The following TXLNB variants were observed in gnomAD, a reference collection of about 807,000 sequenced individuals.
The protein encoded by TXLNB is taxilin beta.
TXLNB carries 37 observed loss-of-function variants against 57.4 expected under a neutral mutation model. That is an observed-to-expected ratio of 0.64 (90% CI 0.50 to 0.85). The LOEUF (loss-of-function observed/expected upper bound fraction) is 0.85, where lower values mean the gene tolerates loss of function less well. TXLNB is among the 40% of genes least tolerant of loss of function. TXLNB has a pLI of 0.00. For missense variants in TXLNB, 848 were observed against 825.6 expected (o/e 1.03, Z -0.33); for synonymous variants, 302 against 309.6 (o/e 0.98, Z 0.26).
chr6:139,161,935 T>C, the TXLNB span, among the ~76,000 whole-genome samples: 1 of 152,234 alleles, frequency 6.6e-6, no homozygotes, highest in Non-Finnish European at 1.5e-5. Flanking sequence ...TTCAAACCAC[T>C]CTTCTACTTC....
rs540980564 is a variant in TXLNB at position 139,269,873 on chromosome 6, C to T, written c.687+583G>A. On this transcript the variant is annotated intron_variant, in intron 4 of 9. Transcript: ENST00000358430. ...GGCTTACGCTGTAATTAATGAAACC[C>T]GTGCAGACCAAATGAAGTGATCAGT... 2.0e-5 allele frequency among the ~76,000 whole-genome samples: 3 copies of T among 152,236 alleles called. No homozygotes were observed. The South Asian group carries it at 6.2e-4, about 32-fold the overall frequency.
At chr6:139,251,887 G>A (rs1027609281) in intron 7 of TXLNB, among the ~76,000 whole-genome samples, 2 of 152,194 alleles carry the variant, frequency 1.3e-5, no homozygotes, top group African/African-American at 4.8e-5. Context: ...GAGGTATGGG[G>A]AGGACTTCAG....
Position 139,270,516 on chromosome 6 carries a change from G to A in TXLNB, c.627C>T (p.Leu209=), listed in dbSNP as rs199591503. 5.1e-5 allele frequency: 82 copies of A among 1,614,152 alleles called. No homozygotes were observed. Among genetic ancestry groups the A allele is most frequent in the Admixed American group, 2.2e-4 (13 of 60,020 alleles). Reference sequence around the variant, plus strand: ...ACAGACTCTCCAATTTGCTTCGAGCGAGGATAGCTCTGCTGTGTTCACCTT... The same window carrying A: ...ACAGACTCTCCAATTTGCTTCGAGCAAGGATAGCTCTGCTGTGTTCACCTT... ...QLQGEHSRAI[L]ARSKLESLCR... The change falls in exon 4 of 10, where the codon CTC becomes CTT. Residue 209 remains leucine, a synonymous_variant. Coordinates refer to ENST00000358430, the MANE Select transcript of TXLNB (RefSeq NM_153235.4).
intron 7 of TXLNB, among the ~76,000 whole-genome samples, chr6:139,251,250 A>G (rs1479674430): frequency 6.6e-6 from 1 of 152,248 alleles, no homozygotes; most frequent in Non-Finnish European, 1.5e-5. Context: ...AGAATTGCTA[A>G]GTATATTTCC....
At chr6:139,286,627 G>A (rs1777182367) in intron 2 of TXLNB, among the ~76,000 whole-genome samples, 1 of 152,220 alleles carries the variant, frequency 6.6e-6, no homozygotes, top group Non-Finnish European at 1.5e-5. Context: ...CAGGAGATGA[G>A]TGGCAGGCGA....
the TXLNB span, among the ~76,000 whole-genome samples, chr6:139,216,590 C>T: frequency 6.6e-6 from 1 of 151,776 alleles, no homozygotes; most frequent in Non-Finnish European, 1.5e-5. Context: ...CAAACTTGCA[C>T]GTTGTGCACA....
chr6:139,199,122 G>A, the TXLNB span, among the ~76,000 whole-genome samples: 6 of 151,894 alleles, frequency 4.0e-5, no homozygotes, highest in Non-Finnish European at 7.4e-5. Flanking sequence ...GGCCCATGTT[G>A]TTAGAAAAAT....
At chr6:139,188,708 T>C in the TXLNB span, among the ~76,000 whole-genome samples, 1 of 152,246 alleles carries the variant, frequency 6.6e-6, no homozygotes, top group African/African-American at 2.4e-5. Flanking sequence ...CAAGAGCTTT[T>C]TGAAAAATTG....
chr6:139,181,271 C>T, the TXLNB span, among the ~76,000 whole-genome samples: 6 of 152,244 alleles, frequency 3.9e-5, no homozygotes, highest in Admixed American at 3.3e-4. Flanking sequence ...CAGTAATCCC[C>T]CCTTATCTGC....
intron 4 of TXLNB, among the ~76,000 whole-genome samples, chr6:139,269,551 A>G (rs1776706172): frequency 1.3e-5 from 2 of 152,316 alleles, no homozygotes; most frequent in South Asian, 4.1e-4. Context: ...TCAAAAAACA[A>G]TTTGGGAAAA....
At chr6:139,301,220 C>A in the TXLNB span, among the ~76,000 whole-genome samples, 7 of 152,206 alleles carry the variant, frequency 4.6e-5, no homozygotes, top group South Asian at 1.5e-3. Flanking sequence ...AAAGGACAAA[C>A]TCCTAGTTGT....
In TXLNB at chr6:139,288,842, C is replaced by T. The variant is rs751169807; in HGVS notation, c.58G>A (p.Asp20Asn). The T allele has an allele frequency of 2.5e-6, 4 of 1,614,202 alleles. No homozygotes were observed. In the South Asian group the frequency reaches 4.4e-5, roughly 18 times the overall value. Residue 20 changes from aspartate (D) to asparagine (N), a missense_variant, in exon 2 of 10, where the codon GAC (aspartate) becomes AAC (asparagine). Asp to Asn is a conservative substitution (Grantham distance 23). Transcript: ENST00000358430. The stretch of plus-strand genomic sequence containing the variant: ...TTGTGACTGGGTAATGATGAACTGT[C>T]ACCTGGAGGTGTTGACTGTCGTTCC... ...SAERQSTPPG[D>N]SSSLPSHNGL...
At chr6:139,183,813 A>G in the TXLNB span, among the ~76,000 whole-genome samples, 4 of 152,144 alleles carry the variant, frequency 2.6e-5, no homozygotes, top group African/African-American at 9.7e-5. Flanking sequence ...GCTTATATAC[A>G]GATGCTGGAG....
the TXLNB span, among the ~76,000 whole-genome samples, chr6:139,232,205 T>C: frequency 2.0e-5 from 3 of 152,178 alleles, no homozygotes; most frequent in Non-Finnish European, 4.4e-5. Flanking sequence ...AGGCACATCT[T>C]ACATGGTGGC....
the TXLNB span, among the ~76,000 whole-genome samples, chr6:139,316,897 T>G: frequency 6.6e-6 from 1 of 152,094 alleles, no homozygotes; most frequent in Non-Finnish European, 1.5e-5. Context: ...CTCACAAGGC[T>G]GGGGAGGCAA....
intron 1 of TXLNB, 110 bp from the exon 2 acceptor site, chr6:139,289,023 T>C (rs1394645642): frequency 5.2e-6 from 4 of 774,416 alleles, no homozygotes; most frequent in Non-Finnish European, 7.8e-6. Flanking sequence ...AATTATAGTC[T>C]CTAACGTAGA....
the TXLNB span, chr6:139,167,095 G>C: frequency 1.9e-6 from 3 of 1,614,184 alleles, no homozygotes; most frequent in Non-Finnish European, 8.5e-7. Flanking sequence ...GGCATAAGCT[G>C]AACACTTTCC....
downstream of TXLNB, among the ~76,000 whole-genome samples, chr6:139,238,114 C>A (rs1240342635): frequency 6.6e-6 from 1 of 152,090 alleles, no homozygotes; most frequent in Non-Finnish European, 1.5e-5. Flanking sequence ...TGGTGTAAGC[C>A]CAGGCATGGT....
chr6:139,322,137 T>A, the TXLNB span, among the ~76,000 whole-genome samples: 1 of 152,080 alleles, frequency 6.6e-6, no homozygotes, highest in Non-Finnish European at 1.5e-5. Flanking sequence ...ATGCCTGACT[T>A]CACAGCCTAT....
Sources: allele counts gnomAD v4.1 joint callset (sites outside exome capture counted in the v4.1 genomes callset), GRCh38; gene constraint gnomAD v4.1.1; transcripts MANE v1.5; gene names NCBI Gene and HGNC (gene_info 2026-07-23, HGNC 2026-07-21).